The following CFDP1 variants were observed in gnomAD, a reference collection of about 807,000 sequenced individuals.
CFDP1 encodes the protein heterochromatin-stabilizing protein CFDP1.
Under a neutral mutation model 40.1 loss-of-function variants are expected in CFDP1, and 31 were observed. That is an observed-to-expected ratio of 0.77 (90% CI 0.58 to 1.04). CFDP1 has a LOEUF of 1.04. Among genes scored for constraint, CFDP1 ranks in the 50% least tolerant of loss-of-function variants. The pLI is 0.00. For missense variants in CFDP1, 423 were observed against 343.4 expected, an observed-to-expected ratio of 1.23 and a Z score of -1.83; for synonymous variants, 167 against 120.0, an observed-to-expected ratio of 1.39 and a Z score of -2.56.
intron 4 of CFDP1, among the ~76,000 whole-genome samples, chr16:75,409,111 C>T (rs1048829098): frequency 6.6e-6 from 1 of 152,086 alleles, no homozygotes; most frequent in Non-Finnish European, 1.5e-5. Flanking sequence ...CACCCACCTT[C>T]GCCTCCCAGA....
In CFDP1 at chr16:75,390,125, G is replaced by A. The variant is rs912014820; in HGVS notation, c.650+4965C>T. Among the ~76,000 whole-genome samples, 22 of 152,144 alleles carry A rather than the reference G, an allele frequency of 1.4e-4. No homozygotes were observed. In the East Asian group the frequency reaches 1.5e-3, roughly 11 times the overall value. On this transcript the variant is annotated intron_variant, in intron 5 of 6. Transcript: ENST00000283882. ...ATTTCACTTTACCCTGTTTATAAGG[G>A]AGTCAGCATTCTTTACTGAAAAATA... is the stretch of plus-strand genomic sequence containing the variant.
intron 5 of CFDP1, among the ~76,000 whole-genome samples, chr16:75,332,950 G>T (rs982117215): frequency 6.6e-6 from 1 of 150,586 alleles, no homozygotes; most frequent in Non-Finnish European, 1.5e-5. Flanking sequence ...TAGGATTACA[G>T]GGCCCTGCCA....
At chr16:75,348,805 A>C (rs2078588116) in intron 5 of CFDP1, among the ~76,000 whole-genome samples, 1 of 152,164 alleles carries the variant, frequency 6.6e-6, no homozygotes. Context: ...ACAATTGTGC[A>C]CATCTATTGT....
intron 5 of CFDP1, among the ~76,000 whole-genome samples, chr16:75,316,232 C>T (rs1247504814): frequency 6.6e-6 from 1 of 152,208 alleles, no homozygotes; most frequent in East Asian, 1.9e-4. Context: ...ACGGCCAGAA[C>T]TCTCACTTGT....
chr16:75,398,425 T>A (rs2079016413), intron 4 of CFDP1, among the ~76,000 whole-genome samples: 2 of 152,140 alleles, frequency 1.3e-5, no homozygotes, highest in South Asian at 4.1e-4. Flanking sequence ...CATCACCCCT[T>A]GAAAGTGAAT....
At chr16:75,419,257 C>T (rs867374408) in intron 1 of CFDP1, 117 of 156,834 alleles carry the variant, frequency 7.5e-4, no homozygotes, top group African/African-American at 2.5e-3. Flanking sequence ...CTGTGAGCCC[C>T]TCATGATATT....
rs1053183981 is a variant in CFDP1 at position 75,425,500 on chromosome 16, C to T, written c.64+7789G>A. On this transcript the variant is annotated intron_variant, in intron 1 of 6. Transcript: ENST00000283882. ...GTACTCTCTCTACCTGATTTCAACACTTAAATCAAAAACAGTAAATGAAAC... is the reference window on the plus strand; with the variant it reads ...GTACTCTCTCTACCTGATTTCAACATTTAAATCAAAAACAGTAAATGAAAC... 2.0e-5 allele frequency among the ~76,000 whole-genome samples: 3 copies of T among 151,298 alleles called. No homozygotes were observed. The East Asian group carries it at 5.8e-4, about 29-fold the overall frequency.
At chr16:75,345,295 A>G (rs1019689889) in intron 5 of CFDP1, among the ~76,000 whole-genome samples, 1 of 152,074 alleles carries the variant, frequency 6.6e-6, no homozygotes, top group Non-Finnish European at 1.5e-5. Flanking sequence ...TGTCTCTACT[A>G]AAAATACAAA....
chr16:75,395,174 G>A lies in CFDP1; in HGVS notation c.566C>T (p.Ala189Val). 1.2e-6 allele frequency: 2 copies of A among 1,613,608 alleles called. No homozygotes were observed. The highest frequency in any genetic ancestry group is 1.7e-6 in the Non-Finnish European group (2 of 1,179,728). ...TKEVDATSKE[A>V]KSFFKQNEKE... ...CTCATTCTGCTTGAAGAAGGATTTG[G>A]CCTCTTTAGATGTAGCATCCACTTC... is the stretch of plus-strand genomic sequence containing the variant. Residue 189 changes from alanine to valine, a missense_variant, in exon 5 of 7, where the codon GCC becomes GTC. Ala to Val is a moderately conservative substitution (Grantham distance 64, BLOSUM62 0). Coordinates refer to ENST00000283882, the MANE Select transcript of CFDP1 (RefSeq NM_006324.3).
chr16:75,329,198 C>T (rs1242037474), intron 5 of CFDP1, among the ~76,000 whole-genome samples: 1 of 152,104 alleles, frequency 6.6e-6, no homozygotes, highest in East Asian at 1.9e-4. Context: ...GTTGGCCGGG[C>T]TGGTCTTGAA....
chr16:75,338,568 T>C (rs994262661), intron 5 of CFDP1, among the ~76,000 whole-genome samples: 1 of 152,220 alleles, frequency 6.6e-6, no homozygotes, highest in African/African-American at 2.4e-5. Flanking sequence ...TCTACCTGCG[T>C]CTAGTGATGT....
intron 5 of CFDP1, among the ~76,000 whole-genome samples, chr16:75,334,399 C>T (rs1237042806): frequency 6.6e-6 from 1 of 150,810 alleles, no homozygotes; most frequent in Non-Finnish European, 1.5e-5. Flanking sequence ...ATCCGGCCAG[C>T]CCGAAGTGCT....
chr16:75,429,106 G>C (rs1368384523), intron 1 of CFDP1, among the ~76,000 whole-genome samples: 1 of 151,786 alleles, frequency 6.6e-6, no homozygotes, highest in African/African-American at 2.4e-5. Flanking sequence ...AAGAGAGACA[G>C]AGTCTGTCTC....
intron 4 of CFDP1, among the ~76,000 whole-genome samples, chr16:75,399,076 A>AAAAG (rs1567672111): frequency 5.4e-5 from 8 of 148,556 alleles, no homozygotes; most frequent in African/African-American, 5.0e-5. Context: ...AAAAAAAAAA[A>AAAAG]AAAGAAAACC....
At chr16:75,322,133 T>C (rs1372251259) in intron 5 of CFDP1, among the ~76,000 whole-genome samples, 1 of 152,192 alleles carries the variant, frequency 6.6e-6, no homozygotes, top group Non-Finnish European at 1.5e-5. Flanking sequence ...CTATTAAACT[T>C]TCCTAATTTG....
At chr16:75,416,151 C>A (rs372548167) in intron 1 of CFDP1, among the ~76,000 whole-genome samples, 1 of 152,094 alleles carries the variant, frequency 6.6e-6, no homozygotes, top group East Asian at 1.9e-4. Context: ...CGCACACGGC[C>A]TCCAATCAGC....
At chr16:75,393,717 G>T (rs1243376228) in intron 5 of CFDP1, among the ~76,000 whole-genome samples, 1 of 115,712 alleles carries the variant, frequency 8.6e-6, no homozygotes, top group African/African-American at 3.4e-5. Context: ...CGGCCTGGGC[G>T]ACAGAGCGAG....
intron 6 of CFDP1, 142 bp downstream of exon 6, chr16:75,304,882 T>A: frequency 1.1e-6 from 1 of 891,454 alleles, no homozygotes; most frequent in Non-Finnish European, 1.7e-6. Flanking sequence ...AACAGAGACT[T>A]ACTGACAAAC....
chr16:75,393,910 T>C (rs2078974568), intron 5 of CFDP1, among the ~76,000 whole-genome samples: 1 of 150,018 alleles, frequency 6.7e-6, no homozygotes, highest in Non-Finnish European at 1.5e-5. Flanking sequence ...ATACAAAAGA[T>C]TAGACGGGCG....
Sources: gnomAD v4.1 joint callset for allele counts (sites outside exome capture counted in the v4.1 genomes callset) on GRCh38, gnomAD v4.1.1 for gene constraint, MANE v1.5 for transcripts, NCBI Gene and HGNC (gene_info 2026-07-23, HGNC 2026-07-21) for gene names.